CEP63: variants seen among roughly 807,000 people sequenced by gnomAD.
CEP63 encodes the protein centrosomal protein of 63 kDa.
Under a neutral mutation model 89.1 loss-of-function variants are expected in CEP63, and 84 were observed. That is an observed-to-expected ratio of 0.94 (90% CI 0.79 to 1.13). CEP63 has a LOEUF of 1.13. CEP63 is among the 50% of genes most tolerant of loss of function. CEP63 has a pLI of 0.00. For missense variants in CEP63, 838 were observed against 813.3 expected, an observed-to-expected ratio of 1.03 and a Z score of -0.37; for synonymous variants, 267 against 272.5, an observed-to-expected ratio of 0.98 and a Z score of 0.20.
At chr3:134,611,626 A>G in the CEP63 span, among the ~76,000 whole-genome samples, 5 of 152,222 alleles carry the variant, frequency 3.3e-5, no homozygotes, top group Non-Finnish European at 7.3e-5. Context: ...TGCCCCTTTG[A>G]TGGGGCTCCT....
At chr3:134,554,238 C>G (rs1023963125) in intron 12 of CEP63, among the ~76,000 whole-genome samples, 2 of 151,316 alleles carry the variant, frequency 1.3e-5, no homozygotes, top group African/African-American at 2.4e-5. Context: ...CCCCCCTTCC[C>G]CCACCCCACA....
intron 1 of CEP63, among the ~76,000 whole-genome samples, chr3:134,491,786 G>T (rs1051916421): frequency 1.3e-5 from 2 of 152,168 alleles, no homozygotes; most frequent in African/African-American, 4.8e-5. Context: ...CGACACCAAG[G>T]CAGGTACAGG....
chr3:134,781,771 T>C, the CEP63 span, among the ~76,000 whole-genome samples: 2 of 152,378 alleles, frequency 1.3e-5, no homozygotes, highest in African/African-American at 4.8e-5. Flanking sequence ...TCATGATTTT[T>C]GTTTGGTCTA....
the CEP63 span, among the ~76,000 whole-genome samples, chr3:134,662,245 C>A: frequency 6.7e-6 from 1 of 150,080 alleles, no homozygotes; most frequent in South Asian, 2.1e-4. Flanking sequence ...CCATTGCTCT[C>A]TAGCCTGGGA....
chr3:134,635,373 T>C, the CEP63 span, among the ~76,000 whole-genome samples: 1 of 151,450 alleles, frequency 6.6e-6, no homozygotes, highest in Non-Finnish European at 1.5e-5. Flanking sequence ...GGCAGGCACC[T>C]GTAACCCCAG....
chr3:134,667,387 C>T, the CEP63 span, among the ~76,000 whole-genome samples: 194 of 152,126 alleles, frequency 1.3e-3, 1 homozygote, highest in African/African-American at 1.7e-3. Context: ...GAGGTGGTGG[C>T]GGGAGAGGCA....
At chr3:134,707,661 A>G in the CEP63 span, among the ~76,000 whole-genome samples, 4 of 151,984 alleles carry the variant, frequency 2.6e-5, no homozygotes, top group Non-Finnish European at 5.9e-5. Flanking sequence ...GTGATGTTGA[A>G]CAGTGCAGGC....
chr3:134,617,193 T>C, the CEP63 span, among the ~76,000 whole-genome samples: 2 of 152,212 alleles, frequency 1.3e-5, no homozygotes, highest in African/African-American at 2.4e-5. Context: ...AAGAGGAATA[T>C]ATCCTGGAAC....
At chr3:134,726,229 C>T in the CEP63 span, among the ~76,000 whole-genome samples, 5 of 152,132 alleles carry the variant, frequency 3.3e-5, no homozygotes, top group East Asian at 1.9e-4. Context: ...GCTTTTTCCA[C>T]GGAAAGGCAG....
At position 134,585,264 on chromosome 3, in the gene CEP63, T is replaced by C. The variant is rs796990471; in HGVS notation, c.1207-2194T>C. ...GTGTTTGCTCTTGCTTCTCTAGTTC[T>C]TTTAATTGTGATGTTAGGGTGTCAA... On this transcript the variant is annotated intron_variant, in intron 10 of 10. Coordinates refer to the CEP63 transcript ENST00000683931. 4.6e-5 allele frequency among the ~76,000 whole-genome samples: 7 copies of C among 152,238 alleles called. No individual in the cohort carries two copies. In the South Asian group the frequency reaches 1.5e-3, roughly 32 times the overall value.
At chr3:134,748,323 G>T in the CEP63 span, among the ~76,000 whole-genome samples, 1,405 of 152,236 alleles carry the variant, frequency 9.2e-3, 23 homozygotes, top group African/African-American at 0.032. Flanking sequence ...CTTTCAGGAA[G>T]GCTCAAACTA....
the CEP63 span, among the ~76,000 whole-genome samples, chr3:134,696,462 G>A: frequency 6.6e-6 from 1 of 152,210 alleles, no homozygotes; most frequent in African/African-American, 2.4e-5. Context: ...CAAGCCTTGT[G>A]CTGCTCAGAC....
At chr3:134,528,569 C>T (rs6802862) in intron 3 of CEP63, among the ~76,000 whole-genome samples, 39,144 of 146,996 alleles carry the variant, frequency 0.27, 5,587 homozygotes, top group African/African-American at 0.34. Flanking sequence ...TGTGTGTGTG[C>T]GTGTGTGTGT....
the CEP63 span, among the ~76,000 whole-genome samples, chr3:134,751,164 A>G: frequency 6.6e-6 from 1 of 152,180 alleles, no homozygotes; most frequent in Non-Finnish European, 1.5e-5. Flanking sequence ...TTTTTGATCT[A>G]GTTTCTTTCA....
chr3:134,678,856 C>T, the CEP63 span, among the ~76,000 whole-genome samples: 2 of 152,216 alleles, frequency 1.3e-5, no homozygotes, highest in African/African-American at 4.8e-5. Flanking sequence ...ATCACCTTCT[C>T]CACCTGGTTC....
the CEP63 span, among the ~76,000 whole-genome samples, chr3:134,654,507 A>T: frequency 6.6e-6 from 1 of 152,320 alleles, no homozygotes; most frequent in Non-Finnish European, 1.5e-5. Flanking sequence ...GTGAAGAGTA[A>T]CAGACCAAGT....
At chr3:134,764,399 C>T in the CEP63 span, among the ~76,000 whole-genome samples, 1 of 152,144 alleles carries the variant, frequency 6.6e-6, no homozygotes, top group African/African-American at 2.4e-5. Context: ...GTGTTTTTCT[C>T]CCAGGTTTAA....
chr3:134,489,229 A>G lies in CEP63; in HGVS notation c.-26+3027A>G, dbSNP rs921839656. 2.6e-5 allele frequency among the ~76,000 whole-genome samples: 4 copies of G among 152,104 alleles called. No individual in the cohort carries two copies. In the East Asian group the frequency reaches 5.8e-4, roughly 22 times the overall value. ...CACATTTCAAGTGCTCGGTAGCTAC[A>G]GATTGCCTGGTGGCTGCTTTTTGAA... On this transcript the variant is annotated intron_variant, in intron 1 of 14. Transcript: ENST00000675561.
intron 10 of CEP63, among the ~76,000 whole-genome samples, chr3:134,585,145 G>A (rs568302943): frequency 2.3e-4 from 35 of 151,934 alleles, no homozygotes; most frequent in African/African-American, 8.2e-4. Flanking sequence ...CCAGCTCCTG[G>A]ATTCATTGAT....
Sources: allele counts gnomAD v4.1 joint callset (sites outside exome capture counted in the v4.1 genomes callset), GRCh38; gene constraint gnomAD v4.1.1; transcripts MANE v1.5; gene names NCBI Gene and HGNC (gene_info 2026-07-23, HGNC 2026-07-21).